ARHGEF40: variants seen among roughly 807,000 people sequenced by gnomAD.
ARHGEF40 encodes the protein Rho guanine nucleotide exchange factor (GEF) 40.
A neutral mutation model predicts 165.9 loss-of-function variants in ARHGEF40; 98 were observed. That is an observed-to-expected ratio of 0.59 (90% CI 0.50 to 0.70). ARHGEF40 has a LOEUF of 0.70. Ranked by LOEUF, ARHGEF40 falls within the 30% of genes least tolerant of loss-of-function variation. The pLI is 0.00. For missense variants in ARHGEF40, 1,815 were observed against 1,968.0 expected (o/e 0.92, Z 1.47); for synonymous variants, 792 against 814.3 (o/e 0.97, Z 0.47).
chr14:21,079,282 G>T (rs931137769), intron 11 of ARHGEF40, among the ~76,000 whole-genome samples: 2 of 152,180 alleles, frequency 1.3e-5, no homozygotes, highest in Non-Finnish European at 2.9e-5. Flanking sequence ...TGCCCTAGGG[G>T]ATTCTGAAGA....
In ARHGEF40 at chr14:21,087,092, G is replaced by C. The variant is rs1389760316; in HGVS notation, c.4230G>C (p.Leu1410=). 1.2e-6 allele frequency: 2 copies of C among 1,608,268 alleles called. No homozygotes were observed. The highest frequency in any genetic ancestry group is 1.3e-5 in the African/African-American group (1 of 74,992). Residue 1410 remains leucine, a synonymous_variant, in exon 20 of 24, where the codon CTG becomes CTC. Transcript: ENST00000298694. ...KALGERTLSA[L]LTGRAARTRA... ...TTGGGGAGCGGACGCTGAGTGCCCTGCTCACTGGAAGAGGTGAGGGCCAGG... is the reference window on the plus strand; with the variant it reads ...TTGGGGAGCGGACGCTGAGTGCCCTCCTCACTGGAAGAGGTGAGGGCCAGG...
At chr14:21,076,696 A>G (rs1887454629) in intron 7 of ARHGEF40, 53 bp downstream of exon 7, 1 of 1,608,876 alleles carries the variant, frequency 6.2e-7, no homozygotes, top group African/African-American at 1.3e-5. Flanking sequence ...GGAGAGGAGA[A>G]GAGGCTGGCT....
At position 21,088,002 on chromosome 14, in the gene ARHGEF40, C is replaced by T; in HGVS notation, c.4422C>T (p.Ser1474=). The change falls in exon 22 of 24, where the codon TCC becomes TCT. Residue 1474 remains serine (S), a synonymous_variant. Transcript: ENST00000298694. ...CACTTGACTCTTCTGGAGATGTGTC[C>T]CCAGGACCAAGAAACAGCCCCAGCC... is the stretch of plus-strand genomic sequence containing the variant. The part of the protein sequence containing the change: ...PETLDSSGDV[S]PGPRNSPSLQ... 1 of 1,614,070 alleles carries T rather than the reference C, an allele frequency of 6.2e-7. No individual in the cohort carries two copies. The highest frequency in any genetic ancestry group is 1.1e-5 in the South Asian group (1 of 91,086).
intron 11 of ARHGEF40, among the ~76,000 whole-genome samples, chr14:21,080,243 CACACA>C (rs1344063128): frequency 2.0e-4 from 20 of 101,348 alleles, no homozygotes; most frequent in South Asian, 1.5e-3. Context: ...CACACACACA[CACACA>C]CCCCTTCTGT....
At chr14:21,087,907 G>A (rs1267022195) in intron 21 of ARHGEF40, 61 bp from the exon 22 acceptor site, 11 of 1,607,852 alleles carry the variant, frequency 6.8e-6, no homozygotes, top group Non-Finnish European at 9.3e-6. Flanking sequence ...GGAGCAGCTT[G>A]GTTGCTTAAG....
At chr14:21,066,741 A>T (rs1239276883), upstream of ARHGEF40, among the ~76,000 whole-genome samples, 3 of 152,260 alleles carry the variant, frequency 2.0e-5, no homozygotes, top group Admixed American at 1.3e-4. Context: ...GTGCTAGCAC[A>T]GGCAAGATGC....
At chr14:21,080,244 ACACACCC>A (rs1887785769) in intron 11 of ARHGEF40, among the ~76,000 whole-genome samples, 1 of 73,706 alleles carries the variant, frequency 1.4e-5, no homozygotes, top group African/African-American at 5.0e-5. Context: ...ACACACACAC[ACACACCC>A]CTTCTGTACT....
chr14:21,068,933 CG>C (rs1886450915), upstream of ARHGEF40, among the ~76,000 whole-genome samples: 1 of 152,270 alleles, frequency 6.6e-6, no homozygotes, highest in African/African-American at 2.4e-5. Context: ...GCGGCACCCC[CG>C]CCTCCCCTCC....
Position 21,074,566 on chromosome 14 carries a change from G to A in ARHGEF40, c.836G>A (p.Gly279Glu), listed in dbSNP as rs773322752. The change falls in exon 3 of 24, where the codon GGG (glycine) becomes GAG (glutamate). Residue 279 changes from glycine (G) to glutamate (E), a missense_variant. Gly to Glu is a moderately conservative substitution (Grantham distance 98). Coordinates refer to ENST00000298694, the MANE Select transcript of ARHGEF40 (RefSeq NM_018071.5). This position sits in a 1 kb window ranked among gnomAD's most constrained non-coding sequence, Gnocchi z 4.8. The stretch of plus-strand genomic sequence containing the variant: ...GTACCCACCCGCAAGGGCGCTGGAG[G>A]GAAGGGCCGCCACCGGAGACACCGG... ...RTVPTRKGAG[G>E]KGRHRRHRAW... is the part of the protein sequence containing the mutation. 1 of 1,554,810 alleles carries A rather than the reference G, an allele frequency of 6.4e-7. No individual in the cohort carries two copies.
chr14:21,081,033 T>C lies in ARHGEF40; in HGVS notation c.2640+17T>C. ...TTCCAGCAGGTGCATGCAGAGCCTT[T>C]TCCTTCTGTGCCCCCCCATTTCCAT... On this transcript the variant is annotated intron_variant, in intron 13 of 23. Coordinates refer to ENST00000298694, the MANE Select transcript of ARHGEF40 (RefSeq NM_018071.5). 6.2e-7 allele frequency: 1 copy of C among 1,604,600 alleles called. No homozygotes were observed. The highest frequency in any genetic ancestry group is 8.5e-7 in the Non-Finnish European group (1 of 1,174,878).
chr14:21,076,320 AC>A (rs1887410243), intron 5 of ARHGEF40, 39 bp from the exon 6 acceptor site: 1 of 1,559,004 alleles, frequency 6.4e-7, no homozygotes, highest in South Asian at 1.1e-5. Context: ...CCCCCAAAAC[AC>A]ACACACAGCA....
Position 21,081,002 on chromosome 14 carries a change from C to A in ARHGEF40, c.2626C>A (p.Arg876Ser). The change falls in exon 13 of 24, where the codon CGC (arginine) becomes AGC (serine). Residue 876 changes from arginine (R) to serine (S), a missense_variant. Physicochemically the swap from Arg to Ser is moderately radical, Grantham distance 110. Transcript: ENST00000298694. Reference sequence around the variant, plus strand: ...CCTCCATCGGGCCCTGCGGCTACAGCGCTTCTTCCAGCAGGTGCATGCAGA... The same window carrying A: ...CCTCCATCGGGCCCTGCGGCTACAGAGCTTCTTCCAGCAGGTGCATGCAGA... ...SGLHRALRLQ[R>S]FFQQAHEWVD... is the part of the protein sequence containing the mutation. 2 of 1,613,432 alleles carry A rather than the reference C, an allele frequency of 1.2e-6. No individual in the cohort carries two copies. The highest frequency in any genetic ancestry group is 1.7e-6 in the Non-Finnish European group (2 of 1,179,644).
Position 21,078,264 on chromosome 14 carries a change from G to C in ARHGEF40, c.2122G>C (p.Glu708Gln). ...GGAGCTGGAGGGAGCAGCAGAGCCA[G>C]AGGAAGAGGTATGAAATGAGATGGG... ...IEELEGAAEP[E>Q]EEEAVGMPKP... is the part of the protein sequence containing the mutation. Residue 708 changes from glutamate to glutamine, a missense_variant, in exon 9 of 24, where the codon GAG becomes CAG. Coordinates refer to ENST00000298694, the MANE Select transcript of ARHGEF40 (RefSeq NM_018071.5). The C allele has an allele frequency of 1.9e-6, 3 of 1,613,936 alleles. No individual in the cohort carries two copies. Among genetic ancestry groups the C allele is most frequent in the Non-Finnish European group, 2.5e-6 (3 of 1,179,954 alleles).
chr14:21,074,144 T>C lies in ARHGEF40; in HGVS notation c.414T>C (p.Asn138=). 6.2e-7 allele frequency: 1 copy of C among 1,614,084 alleles called. No homozygotes were observed. The highest frequency in any genetic ancestry group is 8.5e-7 in the Non-Finnish European group (1 of 1,180,014). ...GGGTGCAGGAGGTTCCTGTGCCCAA[T>C]GAGGCTTGTGCCTACCTATTCACAC... is the stretch of plus-strand genomic sequence containing the variant. The part of the protein sequence containing the change: ...GGRVQEVPVP[N]EACAYLFTPE... The change falls in exon 3 of 24, where the codon AAT becomes AAC. Residue 138 remains asparagine, a synonymous_variant. Transcript: ENST00000298694. The surrounding 1 kb of genome is among the most constrained non-coding windows in gnomAD (Gnocchi z 4.8).
chr14:21,080,346 T>A (rs1309231507), intron 11 of ARHGEF40, among the ~76,000 whole-genome samples: 1 of 152,056 alleles, frequency 6.6e-6, no homozygotes, highest in African/African-American at 2.4e-5. Context: ...ATGACCCTCA[T>A]CCTGCTTTTG....
chr14:21,087,248 GAGGGTCATTCC>G, intron 20 of ARHGEF40, 61 bp from the exon 21 acceptor site: 1 of 1,583,958 alleles, frequency 6.3e-7, no homozygotes, highest in South Asian at 1.1e-5. Flanking sequence ...CTGTGAGACT[GAGGGTCATTCC>G]AGGGAGCCAA....
rs374675803 is a variant in ARHGEF40 at position 21,075,124 on chromosome 14, C to T, written c.1394C>T (p.Thr465Ile). Residue 465 changes from threonine (T) to isoleucine (I), a missense_variant, in exon 3 of 24, where the codon ACA (threonine) becomes ATA (isoleucine). Physicochemically the swap from Thr to Ile is moderately conservative, Grantham distance 89. Transcript: ENST00000298694. This position sits in a 1 kb window ranked among gnomAD's most constrained non-coding sequence, Gnocchi z 4.5. ...EPQLSEACGP[T>I]EEGAGERELE... Reference sequence around the variant, plus strand: ...CAGCTCTCTGAAGCCTGTGGGCCTACAGAAGAGGGGGCCGGAGAGAGAGAG... The same window carrying T: ...CAGCTCTCTGAAGCCTGTGGGCCTATAGAAGAGGGGGCCGGAGAGAGAGAG... 13 of 1,613,214 alleles carry T rather than the reference C, an allele frequency of 8.1e-6. No homozygotes were observed. The African/African-American group carries it at 1.5e-4, about 18-fold the overall frequency.
Position 21,080,873 on chromosome 14 carries a change from G to A in ARHGEF40, c.2497G>A (p.Glu833Lys). 1.2e-6 allele frequency: 2 copies of A among 1,613,272 alleles called. No homozygotes were observed. The highest frequency in any genetic ancestry group is 1.7e-6 in the Non-Finnish European group (2 of 1,179,574). The change falls in exon 13 of 24, where the codon GAG becomes AAG. Residue 833 changes from glutamate (E) to lysine (K), a missense_variant and splice_region_variant. Coordinates refer to ENST00000298694, the MANE Select transcript of ARHGEF40 (RefSeq NM_018071.5). ...RFRAFSAEVQ[E>K]RLAQAREALA... is the part of the protein sequence containing the mutation. ...TCTGAGCGCAGCCTCCCTTCTCCAG[G>A]AGCGCCTGGCCCAGGCACGGGAGGC...
At position 21,089,244 on chromosome 14, in the gene ARHGEF40, T is replaced by C. The variant is rs1888637632; in HGVS notation, c.*236T>C. On this transcript the variant is annotated 3_prime_UTR_variant, in exon 24 of 24. Coordinates refer to ENST00000298694, the MANE Select transcript of ARHGEF40 (RefSeq NM_018071.5). ...AGCCACATTGCTTGCCTTCATACCCTGGAGGTGGGGAAGTTATCCCTCTTC... is the reference window on the plus strand; with the variant it reads ...AGCCACATTGCTTGCCTTCATACCCCGGAGGTGGGGAAGTTATCCCTCTTC... 1 of 204,722 alleles carries C rather than the reference T, an allele frequency of 4.9e-6. No individual in the cohort carries two copies. Among genetic ancestry groups the C allele is most frequent in the Non-Finnish European group, 9.8e-6 (1 of 101,872 alleles). The allele number at this position is 204,722 out of a possible 1,614,324, so 12.7% of individuals were successfully genotyped here.
Sources: gnomAD v4.1 joint callset for allele counts (sites outside exome capture counted in the v4.1 genomes callset) on GRCh38, gnomAD v4.1.1 for gene constraint, Gnocchi (gnomAD v3.1) non-coding constraint, MANE v1.5 for transcripts, NCBI Gene and HGNC (gene_info 2026-07-23, HGNC 2026-07-21) for gene names.